TDRD5: variants seen among roughly 807,000 people sequenced by gnomAD.
TDRD5 encodes tudor domain-containing protein 5.
Under a neutral mutation model 120.6 loss-of-function variants are expected in TDRD5, and 41 were observed. The observed-to-expected ratio is 0.34, with a 90% confidence interval of 0.26 to 0.44. TDRD5 has a LOEUF of 0.44. Among genes scored for constraint, TDRD5 ranks in the 20% least tolerant of loss-of-function variants. The pLI is 1.00. For synonymous variants in TDRD5, 430 were observed against 433.7 expected, an observed-to-expected ratio of 0.99 and a Z score of 0.11; for missense variants, 1,006 against 1,221.2, an observed-to-expected ratio of 0.82 and a Z score of 2.63.
chr1:179,629,105 A>C (rs1677296736), intron 6 of TDRD5, among the ~76,000 whole-genome samples: 1 of 152,306 alleles, frequency 6.6e-6, no homozygotes, highest in Non-Finnish European at 1.5e-5. Flanking sequence ...GTCAAGTCAA[A>C]GTGATTGAGA....
chr1:179,669,788 T>G (rs1337328391), intron 17 of TDRD5, among the ~76,000 whole-genome samples: 1 of 152,222 alleles, frequency 6.6e-6, no homozygotes, highest in East Asian at 1.9e-4. Flanking sequence ...ATTGCCTACT[T>G]GCCTCTGGCA....
chr1:179,611,576 GCTGA>G (rs1676275796), intron 4 of TDRD5, among the ~76,000 whole-genome samples: 1 of 151,786 alleles, frequency 6.6e-6, no homozygotes, highest in Non-Finnish European at 1.5e-5. Context: ...AATTTATTGT[GCTGA>G]CTAAAAGTTC....
At chr1:179,670,045 G>A (rs1299628630) in intron 17 of TDRD5, among the ~76,000 whole-genome samples, 3 of 152,164 alleles carry the variant, frequency 2.0e-5, no homozygotes, top group Non-Finnish European at 4.4e-5. Context: ...AAGCTGCTAT[G>A]AACATTTGCA....
At chr1:179,690,106 T>G (rs1400688611) in intron 17 of TDRD5, among the ~76,000 whole-genome samples, 1 of 152,158 alleles carries the variant, frequency 6.6e-6, no homozygotes, top group African/African-American at 2.4e-5. Flanking sequence ...ACCCAGCACC[T>G]CAGTTGGAAA....
At chr1:179,641,291 A>C (rs1678032611) in intron 11 of TDRD5, among the ~76,000 whole-genome samples, 1 of 152,168 alleles carries the variant, frequency 6.6e-6, no homozygotes, top group African/African-American at 2.4e-5. Flanking sequence ...GCACTTTGGG[A>C]AGCCAAGGCG....
intron 17 of TDRD5, among the ~76,000 whole-genome samples, chr1:179,686,198 T>C (rs1001619556): frequency 3.9e-5 from 6 of 152,216 alleles, no homozygotes; most frequent in African/African-American, 7.2e-5. Context: ...ATAGCTCTTA[T>C]TATTTTGAGA....
At chr1:179,631,968 G>A (rs1037027063) in intron 7 of TDRD5, among the ~76,000 whole-genome samples, 1 of 149,888 alleles carries the variant, frequency 6.7e-6, no homozygotes, top group African/African-American at 2.5e-5. Context: ...GTGCAGTGGC[G>A]TGATCTTGGC....
chr1:179,632,459 T>C (rs1677511692), intron 7 of TDRD5, among the ~76,000 whole-genome samples: 1 of 151,876 alleles, frequency 6.6e-6, no homozygotes, highest in Non-Finnish European at 1.5e-5. Context: ...AAGTAACTCA[T>C]GTTCATTCTG....
intron 17 of TDRD5, among the ~76,000 whole-genome samples, chr1:179,686,170 G>T (rs891648433): frequency 1.3e-5 from 2 of 152,108 alleles, no homozygotes. Context: ...TATGATATTG[G>T]CTGTGGGTTT....
chr1:179,675,697 C>G (rs1215037216), intron 17 of TDRD5, among the ~76,000 whole-genome samples: 1 of 152,100 alleles, frequency 6.6e-6, no homozygotes, highest in African/African-American at 2.4e-5. Context: ...GGAGTTGATA[C>G]CCAATTTTAT....
intron 13 of TDRD5, 113 bp downstream of exon 13, chr1:179,652,310 A>G (rs1678767605): frequency 1.9e-6 from 2 of 1,050,288 alleles, no homozygotes; most frequent in Non-Finnish European, 2.7e-6. Context: ...AATTTTGCAC[A>G]GTGATCTTAA....
At position 179,639,967 on chromosome 1, in the gene TDRD5, T is replaced by A; in HGVS notation, c.1649T>A (p.Val550Asp). 6.2e-7 allele frequency: 1 copy of A among 1,614,104 alleles called. No individual in the cohort carries two copies. The highest frequency in any genetic ancestry group is 1.7e-5 in the Admixed American group (1 of 60,024). The change falls in exon 10 of 18, where the codon GTC becomes GAC. Residue 550 changes from valine to aspartate, a missense_variant. Transcript: ENST00000444136. ...TGGTATCGGGTCATTATCCATCGAGTCCTTGAGAAACAGGAAGTTGAAGTG... is the reference window on the plus strand; with the variant it reads ...TGGTATCGGGTCATTATCCATCGAGACCTTGAGAAACAGGAAGTTGAAGTG... ...KWWYRVIIHR[V>D]LEKQEVEVFY...
chr1:179,640,646 G>A (rs1246244317), intron 11 of TDRD5, among the ~76,000 whole-genome samples: 2 of 152,210 alleles, frequency 1.3e-5, no homozygotes, highest in South Asian at 2.1e-4. Context: ...TTTCAAGAAT[G>A]AATGGTAGAG....
intron 1 of TDRD5, 194 bp downstream of exon 1, chr1:179,592,319 G>A (rs1281033254): frequency 2.8e-6 from 1 of 354,292 alleles, no homozygotes; most frequent in African/African-American, 2.1e-5. Flanking sequence ...GGCTTCGGAT[G>A]GGAAGTTTGC....
chr1:179,615,927 T>A (rs1310441005), intron 4 of TDRD5, among the ~76,000 whole-genome samples: 1 of 152,110 alleles, frequency 6.6e-6, no homozygotes, highest in Non-Finnish European at 1.5e-5. Context: ...TTCTCTGCTT[T>A]TACTAAACAT....
chr1:179,606,278 TA>T lies in TDRD5; in HGVS notation c.831+10465del, dbSNP rs928268170. 1.6e-4 allele frequency among the ~76,000 whole-genome samples: 24 copies of T among 149,798 alleles called. 1 individual carries two copies. The highest frequency in any genetic ancestry group is 1.4e-3 in the Admixed American group (21 of 14,994). ...CTGTTCAGGTATTTTGCCCATTTTT[TA>T]AAAATTGGATTGTTTCTTATTGCTG... On this transcript the variant is annotated intron_variant, in intron 4 of 17. Coordinates refer to ENST00000444136, the MANE Select transcript of TDRD5 (RefSeq NM_001199085.3).
At chr1:179,622,055 G>A (rs750248389) in intron 6 of TDRD5, among the ~76,000 whole-genome samples, 2 of 152,190 alleles carry the variant, frequency 1.3e-5, no homozygotes, top group African/African-American at 2.4e-5. Context: ...CTTATAGACA[G>A]TATGTTAGGT....
At chr1:179,627,318 A>G (rs1339628006) in intron 6 of TDRD5, among the ~76,000 whole-genome samples, 1 of 152,218 alleles carries the variant, frequency 6.6e-6, no homozygotes, top group African/African-American at 2.4e-5. Flanking sequence ...GAAAGTGAAT[A>G]CCATTTATAC....
intron 6 of TDRD5, among the ~76,000 whole-genome samples, chr1:179,626,203 TAAAGTA>T (rs1263274495): frequency 1.3e-5 from 2 of 149,990 alleles, no homozygotes; most frequent in African/African-American, 2.4e-5. Flanking sequence ...CCCTAAAACT[TAAAGTA>T]TAATAATAAT....
Sources: gnomAD v4.1 joint callset for allele counts (sites outside exome capture counted in the v4.1 genomes callset) on GRCh38, gnomAD v4.1.1 for gene constraint, MANE v1.5 for transcripts, NCBI Gene and HGNC (gene_info 2026-07-23, HGNC 2026-07-21) for gene names.